Variants in PRDX3 observed in about 807,000 individuals in gnomAD.
PRDX3 encodes thioredoxin-dependent peroxide reductase, mitochondrial.
A neutral mutation model predicts 30.4 loss-of-function variants in PRDX3; 20 were observed. That is an observed-to-expected ratio of 0.66 (90% CI 0.46 to 0.96). The LOEUF (loss-of-function observed/expected upper bound fraction) is 0.96. Ranked by LOEUF, PRDX3 falls within the 40% of genes least tolerant of loss-of-function variation. The pLI, the probability that PRDX3 is intolerant of heterozygous loss-of-function variation, is 0.00. For synonymous variants in PRDX3, 124 were observed against 117.8 expected (o/e 1.05, Z -0.34); for missense variants, 322 against 318.3 (o/e 1.01, Z -0.09).
rs35789704 is a variant in PRDX3 at position 119,173,671 on chromosome 10, T to C, written c.447+66A>G. On this transcript the variant is annotated intron_variant, in intron 4 of 6. Coordinates refer to ENST00000298510, the MANE Select transcript of PRDX3 (RefSeq NM_006793.5). ...ATTTGATCTTGATAGTCCAGCAGCA[T>C]AGCTAGAAATTTAGATTCTTCCAAG... The C allele has an allele frequency of 2.1e-3, 3,256 of 1,528,098 alleles. 72 individuals are homozygous for C. The African/African-American group carries it at 0.04, about 19-fold the overall frequency. The allele number at this position is 1,528,098 out of a possible 1,614,324, so 94.7% of individuals were successfully genotyped here.
intron 6 of PRDX3, 32 bp downstream of exon 6, chr10:119,169,136 AGAGAACATG>A (rs1328593003): frequency 1.3e-6 from 2 of 1,599,908 alleles, no homozygotes; most frequent in Admixed American, 3.4e-5. Flanking sequence ...CTCGAGGCTG[AGAGAACATG>A]GACCTCACTG....
At chr10:119,173,699 A>C in intron 4 of PRDX3, 38 bp downstream of exon 4, 1 of 1,596,290 alleles carries the variant, frequency 6.3e-7, no homozygotes, top group Non-Finnish European at 8.5e-7. Context: ...CTTCCAAGCA[A>C]GTTTATAAGA....
At position 119,168,263 on chromosome 10, in the gene PRDX3, C is replaced by A; in HGVS notation, c.*217G>T. 1.1e-6 allele frequency: 1 copy of A among 934,230 alleles called. No individual in the cohort carries two copies. Among genetic ancestry groups the A allele is most frequent in the East Asian group, 3.1e-5 (1 of 31,816 alleles). The allele number at this position is 934,230 out of a possible 1,614,324, so 57.9% of individuals were successfully genotyped here. A position where few individuals can be genotyped will look rare whatever the true frequency, so the allele number is the denominator to read the frequency against. ...CTGTAGAAACTAGCTAGCCAGCCAC[C>A]AAGATGTTACCAATAAAGGATTCCT... On this transcript the variant is annotated 3_prime_UTR_variant, in exon 7 of 7. Transcript: ENST00000298510.
intron 2 of PRDX3, 165 bp from the exon 3 acceptor site, chr10:119,174,757 TG>T: frequency 1.6e-6 from 1 of 623,466 alleles, no homozygotes; most frequent in Non-Finnish European, 2.6e-6. Context: ...TTGCCACCTG[TG>T]GGGGGATTGG....
rs1465876209 is a variant in PRDX3 at position 119,172,481 on chromosome 10, C to G, written c.452G>C (p.Gly151Ala). 2 of 1,612,496 alleles carry G rather than the reference C, an allele frequency of 1.2e-6. No homozygotes were observed. The highest frequency in any genetic ancestry group is 1.7e-5 in the Admixed American group (1 of 60,014). ...LAWINTPRKN[G>A]GLGHMNIALL... Reference sequence around the variant, plus strand: ...TGCGATGTTCATGTGGCCCAAACCACCATTCTAATCAAAATGCAAACATGA... The same window carrying G: ...TGCGATGTTCATGTGGCCCAAACCAGCATTCTAATCAAAATGCAAACATGA... Residue 151 changes from glycine (G) to alanine (A), a missense_variant, in exon 5 of 7, where the codon GGT becomes GCT. Gly to Ala is a moderately conservative substitution (Grantham distance 60, BLOSUM62 0). Transcript: ENST00000298510.
rs199819838 is a variant in PRDX3 at position 119,174,642 on chromosome 10, C to T, written c.170-50G>A. On this transcript the variant is annotated intron_variant, in intron 2 of 6. Coordinates refer to ENST00000298510, the MANE Select transcript of PRDX3 (RefSeq NM_006793.5). The stretch of plus-strand genomic sequence containing the variant: ...GGAGTTCATCATTTGCTATGTCAAG[C>T]ACCTATGATTTTATTTAAACTTCTC... The T allele has an allele frequency of 5.3e-5, 79 of 1,498,052 alleles. No homozygotes were observed. The East Asian group carries it at 1.7e-3, about 33-fold the overall frequency. The allele number at this position is 1,498,052 out of a possible 1,614,324, so 92.8% of individuals were successfully genotyped here. A position where few individuals can be genotyped will look rare whatever the true frequency, so the allele number is the denominator to read the frequency against.
At chr10:119,173,132 G>A (rs1047183059) in intron 4 of PRDX3, among the ~76,000 whole-genome samples, 1 of 151,892 alleles carries the variant, frequency 6.6e-6, no homozygotes, top group Non-Finnish European at 1.5e-5. Flanking sequence ...TAGAGATGGG[G>A]TTTCACCGTG....
At chr10:119,168,635 CT>C in intron 6 of PRDX3, 102 bp from the exon 7 acceptor site, 1 of 1,527,666 alleles carries the variant, frequency 6.5e-7, no homozygotes, top group South Asian at 1.2e-5. Context: ...GTTCTTTAAA[CT>C]TTTAAAGATT....
intron 1 of PRDX3, among the ~76,000 whole-genome samples, chr10:119,177,839 C>T (rs909088866): frequency 3.3e-5 from 5 of 151,086 alleles, no homozygotes; most frequent in Non-Finnish European, 7.4e-5. Context: ...CAAATTCAGC[C>T]TCTGGGAGTC....
In PRDX3 at chr10:119,169,327, A is replaced by G; in HGVS notation, c.567T>C (p.Ile189=). ...SGLALRGLFI[I]DPNGVIKHLS... is the part of the protein sequence containing the mutation. ...AATGCTTGATGACTCCATTGGGGTC[A>G]ATTATGAAGAGACCTCTGCATGATC... is the stretch of plus-strand genomic sequence containing the variant. Residue 189 remains isoleucine, a synonymous_variant, in exon 6 of 7, where the codon ATT becomes ATC. Transcript: ENST00000298510. The G allele has an allele frequency of 6.2e-7, 1 of 1,613,912 alleles. No individual in the cohort carries two copies. The highest frequency in any genetic ancestry group is 1.1e-5 in the South Asian group (1 of 91,036).
chr10:119,176,829 C>T lies in PRDX3; in HGVS notation c.169+192G>A, dbSNP rs1034626689. Among the ~76,000 whole-genome samples, 9 of 152,222 alleles carry T rather than the reference C, an allele frequency of 5.9e-5. 1 individual carries two copies. The highest frequency in any genetic ancestry group is 2.1e-4 in the South Asian group (1 of 4,836). On this transcript the variant is annotated intron_variant, in intron 2 of 6. Transcript: ENST00000298510. ...TCAGTGATTCTCAACCCTGGCTGCA[C>T]GTTAGAATCACCCGGCACATCCTGG...
chr10:119,175,663 G>C (rs932368040), intron 2 of PRDX3, among the ~76,000 whole-genome samples: 3 of 152,168 alleles, frequency 2.0e-5, no homozygotes, highest in Admixed American at 6.5e-5. Context: ...CCAAAGTGCT[G>C]GGATTACAGG....
chr10:119,178,737 C>T lies in PRDX3; in HGVS notation c.36+18G>A. 1.3e-6 allele frequency: 2 copies of T among 1,551,304 alleles called. No homozygotes were observed. The highest frequency in any genetic ancestry group is 1.2e-5 in the South Asian group (1 of 84,126). On this transcript the variant is annotated intron_variant, in intron 1 of 6. Transcript: ENST00000298510. Reference sequence around the variant, plus strand: ...CCACCAGTGTCTCCACGCCTGTCCCCAGCCGACAGCCACTCACCGACGCTC... The same window carrying T: ...CCACCAGTGTCTCCACGCCTGTCCCTAGCCGACAGCCACTCACCGACGCTC...
chr10:119,176,905 T>G (rs1208402896), intron 2 of PRDX3, 116 bp downstream of exon 2: 1 of 1,303,068 alleles, frequency 7.7e-7, no homozygotes, highest in Non-Finnish European at 1.1e-6. Flanking sequence ...CAGTGCTGTG[T>G]TCCTGAAAGC....
At chr10:119,172,761 T>C (rs563879845) in intron 4 of PRDX3, among the ~76,000 whole-genome samples, 1 of 152,092 alleles carries the variant, frequency 6.6e-6, no homozygotes, top group Non-Finnish European at 1.5e-5. Context: ...GCTAATACTA[T>C]AGACCTTTTC....
chr10:119,168,565 T>C (rs375064966), intron 6 of PRDX3, 32 bp from the exon 7 acceptor site: 11 of 1,611,840 alleles, frequency 6.8e-6, no homozygotes, highest in Non-Finnish European at 8.5e-6. Flanking sequence ...TAGGTAACTG[T>C]GACTTTACCA....
At chr10:119,170,356 G>C (rs1009677132) in intron 5 of PRDX3, 1 of 152,172 alleles carries the variant, frequency 6.6e-6, no homozygotes, top group African/African-American at 2.4e-5. Context: ...CCAATAGAAG[G>C]TGAGGCAGAG....
In PRDX3 at chr10:119,167,721, G is replaced by C. The variant is rs951425892; in HGVS notation, c.*759C>G. 1 of 152,168 alleles carries C rather than the reference G, an allele frequency of 6.6e-6. No individual in the cohort carries two copies. The highest frequency in any genetic ancestry group is 1.5e-5 in the Non-Finnish European group (1 of 68,024). 9.4% of individuals were successfully genotyped at this position (152,168 alleles called of 1,614,324 possible). A position where few individuals can be genotyped will look rare whatever the true frequency, so the allele number is the denominator to read the frequency against. ...CAGTTACTGGTGGTAAAATGCAAAT[G>C]TTTTAAAATATGTTTATTTTGTATG... On this transcript the variant is annotated 3_prime_UTR_variant, in exon 7 of 7. Transcript: ENST00000298510.
intron 4 of PRDX3, among the ~76,000 whole-genome samples, chr10:119,173,346 ATG>A (rs1326390721): frequency 6.6e-6 from 1 of 152,204 alleles, no homozygotes; most frequent in African/African-American, 2.4e-5. Context: ...GTGGTGGCTC[ATG>A]CCTGTAATTC....
Sources: allele counts gnomAD v4.1 joint callset (sites outside exome capture counted in the v4.1 genomes callset), GRCh38; gene constraint gnomAD v4.1.1; transcripts MANE v1.5; gene names NCBI Gene and HGNC (gene_info 2026-07-23, HGNC 2026-07-21).